Variants in DNAH6 observed in about 807,000 individuals in gnomAD.
The protein encoded by DNAH6 is dynein axonemal heavy chain 6, also known as axonemal beta dynein heavy chain 6.
Under a neutral mutation model 491.4 loss-of-function variants are expected in DNAH6, and 340 were observed. The ratio of observed to expected loss-of-function variants is 0.69; its 90% CI spans 0.63 to 0.76. The LOEUF is 0.76. Among genes scored for constraint, DNAH6 ranks in the 30% least tolerant of loss-of-function variants. DNAH6 has a pLI of 0.00. For missense variants in DNAH6, 4,443 were observed against 4,972.2 expected (o/e 0.89, Z 3.20); for synonymous variants, 1,603 against 1,686.1 (o/e 0.95, Z 1.21).
upstream of DNAH6, among the ~76,000 whole-genome samples, chr2:84,511,597 C>G (rs913169729): frequency 3.9e-5 from 6 of 152,214 alleles, no homozygotes; most frequent in Non-Finnish European, 5.9e-5. Context: ...CACTTTCTGA[C>G]ACTCCCCAGT....
the DNAH6 span, among the ~76,000 whole-genome samples, chr2:84,507,877 T>A: frequency 6.6e-6 from 1 of 152,246 alleles, no homozygotes; most frequent in Admixed American, 6.5e-5. Flanking sequence ...ATTTATTGAT[T>A]TGCATATTCT....
intron 62 of DNAH6, among the ~76,000 whole-genome samples, chr2:84,739,415 T>C (rs1330226850): frequency 6.6e-6 from 1 of 152,216 alleles, no homozygotes; most frequent in Non-Finnish European, 1.5e-5. Flanking sequence ...TGGGGAAATT[T>C]TCCTGAATTA....
chr2:84,502,252 A>G, the DNAH6 span, among the ~76,000 whole-genome samples: 1 of 152,192 alleles, frequency 6.6e-6, no homozygotes, highest in South Asian at 2.1e-4. Context: ...AAATTTTTCA[A>G]TCTTCTTCTT....
intron 41 of DNAH6, among the ~76,000 whole-genome samples, chr2:84,678,653 C>A (rs1191612255): frequency 6.6e-6 from 1 of 152,126 alleles, no homozygotes; most frequent in African/African-American, 2.4e-5. Context: ...GTCCCCAACT[C>A]TCAACCTCCT....
At chr2:84,478,395 C>T in the DNAH6 span, among the ~76,000 whole-genome samples, 2 of 152,036 alleles carry the variant, frequency 1.3e-5, no homozygotes, top group African/African-American at 4.8e-5. Context: ...TTGCCTTTCC[C>T]AAAAAATGAG....
intron 70 of DNAH6, among the ~76,000 whole-genome samples, chr2:84,799,988 C>T (rs1678736425): frequency 6.6e-6 from 1 of 152,152 alleles, no homozygotes; most frequent in African/African-American, 2.4e-5. Context: ...TTCTCTGTTG[C>T]CTCCACCCCC....
chr2:84,534,236 C>T (rs1210268603), intron 4 of DNAH6, among the ~76,000 whole-genome samples: 1 of 151,942 alleles, frequency 6.6e-6, no homozygotes, highest in Admixed American at 6.6e-5. Context: ...CCAGTGTGCC[C>T]TAGTTGTTTA....
chr2:84,778,016 A>G (rs577805804), intron 64 of DNAH6: 164 of 1,011,242 alleles, frequency 1.6e-4, no homozygotes, highest in Middle Eastern at 9.1e-4. Flanking sequence ...TTTGCCAGAG[A>G]CAATCTTTGG....
chr2:84,515,491 A>G (rs1301281014), upstream of DNAH6, among the ~76,000 whole-genome samples: 2 of 152,222 alleles, frequency 1.3e-5, no homozygotes, highest in African/African-American at 2.4e-5. Context: ...TCATACTACC[A>G]TATCAAATAC....
intron 46 of DNAH6, among the ~76,000 whole-genome samples, chr2:84,695,612 C>T (rs1388685671): frequency 6.6e-6 from 1 of 152,000 alleles, no homozygotes; most frequent in East Asian, 1.9e-4. Context: ...TAACCATATA[C>T]TAGAGCACTG....
At chr2:84,571,200 A>G (rs1403015235) in intron 11 of DNAH6, among the ~76,000 whole-genome samples, 3 of 152,256 alleles carry the variant, frequency 2.0e-5, no homozygotes, top group Non-Finnish European at 4.4e-5. Flanking sequence ...AAATAAATGT[A>G]GAAAGAAAAC....
intron 4 of DNAH6, among the ~76,000 whole-genome samples, chr2:84,538,093 G>T (rs760124295): frequency 1.3e-5 from 2 of 152,118 alleles, no homozygotes; most frequent in Non-Finnish European, 2.9e-5. Flanking sequence ...CACATAGCTA[G>T]TGAGTCATGG....
At chr2:84,730,343 T>C (rs940570414) in intron 61 of DNAH6, among the ~76,000 whole-genome samples, 1 of 152,238 alleles carries the variant, frequency 6.6e-6, no homozygotes, top group Non-Finnish European at 1.5e-5. Flanking sequence ...CAGGTTTCTA[T>C]TACATGTGGA....
At chr2:84,523,295 A>G (rs1315355763) in intron 2 of DNAH6, among the ~76,000 whole-genome samples, 2 of 151,968 alleles carry the variant, frequency 1.3e-5, no homozygotes, top group Admixed American at 6.6e-5. Context: ...GGTAAGCAAT[A>G]ATATCCCTTT....
intron 37 of DNAH6, among the ~76,000 whole-genome samples, chr2:84,664,404 A>C (rs753520565): frequency 6.6e-6 from 1 of 152,186 alleles, no homozygotes; most frequent in Non-Finnish European, 1.5e-5. Context: ...ATGCAGGAAG[A>C]TCTACCAAGC....
chr2:84,570,832 C>T (rs575120655), intron 11 of DNAH6, among the ~76,000 whole-genome samples: 30 of 152,334 alleles, frequency 2.0e-4, no homozygotes, highest in Admixed American at 9.8e-4. Context: ...ATAAATGTTG[C>T]TGCTGCTCAC....
chr2:84,697,488 T>C (rs1695501041), intron 46 of DNAH6, 87 bp from the exon 47 acceptor site: 2 of 1,310,988 alleles, frequency 1.5e-6, no homozygotes, highest in Non-Finnish European at 2.0e-6. Context: ...ATGAAATTGA[T>C]TCATGTGAAT....
intron 4 of DNAH6, among the ~76,000 whole-genome samples, chr2:84,530,148 T>G (rs2104453338): frequency 1.3e-5 from 2 of 152,290 alleles, no homozygotes; most frequent in Middle Eastern, 3.4e-3. Flanking sequence ...TCAAAATTGT[T>G]GCCCTCATGG....
At chr2:84,506,412 G>T in the DNAH6 span, among the ~76,000 whole-genome samples, 2 of 152,122 alleles carry the variant, frequency 1.3e-5, no homozygotes, top group Non-Finnish European at 2.9e-5. Context: ...TTTTGATGGG[G>T]TTGTTTGTTT....
Sources: allele counts gnomAD v4.1 joint callset (sites outside exome capture counted in the v4.1 genomes callset), GRCh38; gene constraint gnomAD v4.1.1; transcripts MANE v1.5; gene names NCBI Gene and HGNC (gene_info 2026-07-23, HGNC 2026-07-21).